The following MYMK variants were observed in gnomAD, a reference collection of about 807,000 sequenced individuals.
The protein encoded by MYMK is protein myomaker.
In MYMK, 16 loss-of-function variants were observed where a neutral mutation model predicts 22.4. That is an observed-to-expected ratio of 0.72 (90% CI 0.48 to 1.09). The LOEUF is 1.09. MYMK is among the 50% of genes least tolerant of loss of function. The pLI is 0.00. For missense variants in MYMK, 250 were observed against 295.6 expected (o/e 0.85, Z 1.13); for synonymous variants, 125 against 127.0 (o/e 0.98, Z 0.11).
At chr9:133,520,092 G>C in intron 2 of MYMK, 82 bp downstream of exon 2, 1 of 1,040,388 alleles carries the variant, frequency 9.6e-7, no homozygotes, top group East Asian at 2.4e-5. Flanking sequence ...GGCTGCAGCG[G>C]GACTGGTTTG....
chr9:133,515,004 C>CT lies in MYMK; in HGVS notation c.517-220dup, dbSNP rs562880757. Among the ~76,000 whole-genome samples, 215 of 152,260 alleles carry CT rather than the reference C, an allele frequency of 1.4e-3. 1 individual carries two copies. Among genetic ancestry groups the CT allele is most frequent in the African/African-American group, 5.0e-3 (206 of 41,546 alleles). The stretch of plus-strand genomic sequence containing the variant: ...ATCCTCCAGGCTGCACTCCTTCCTT[C>CT]TTCCCCATCCCCTCTCTCTGCTGTC... On this transcript the variant is annotated intron_variant, in intron 4 of 4. Transcript: ENST00000339996. This position sits in a 1 kb window ranked among gnomAD's most constrained non-coding sequence, Gnocchi z 5.8.
intron 3 of MYMK, among the ~76,000 whole-genome samples, chr9:133,517,736 G>A (rs984820828): frequency 2.6e-5 from 4 of 151,924 alleles, no homozygotes; most frequent in African/African-American, 9.7e-5. Flanking sequence ...TTAAGTTGCT[G>A]AGGCCTCCAT....
At chr9:133,524,357 AG>A (rs1844736131) in intron 1 of MYMK, among the ~76,000 whole-genome samples, 1 of 151,848 alleles carries the variant, frequency 6.6e-6, no homozygotes, top group Non-Finnish European at 1.5e-5. Context: ...AGAGGTGGGG[AG>A]GGGAGGTGGC....
rs766698870 is a variant in MYMK at position 133,515,526 on chromosome 9, C to T, written c.481G>A (p.Gly161Arg). ...TQQIGPGLCF[G>R]ALALMLRFFF... ...AAGCGTAGCATCAGGGCCAGCGCCC[C>T]GAAGCAGAGGCCGGGGCCTATCTGC... Residue 161 changes from glycine (G) to arginine (R), a missense_variant, in exon 4 of 5, where the codon GGG (glycine) becomes AGG (arginine). Coordinates refer to ENST00000339996, the MANE Select transcript of MYMK (RefSeq NM_001080483.3). The surrounding 1 kb of genome is among the most constrained non-coding windows in gnomAD (Gnocchi z 5.8). The T allele has an allele frequency of 3.1e-6, 5 of 1,613,612 alleles. No individual in the cohort carries two copies. The highest frequency in any genetic ancestry group is 1.7e-5 in the Admixed American group (1 of 59,986).
intron 3 of MYMK, among the ~76,000 whole-genome samples, chr9:133,518,274 C>T (rs533487509): frequency 1.3e-5 from 2 of 152,158 alleles, no homozygotes; most frequent in Admixed American, 6.5e-5. Flanking sequence ...CTGAAGACCA[C>T]GTGAGGGCCT....
At chr9:133,517,686 T>TGGG (rs1844648173) in intron 3 of MYMK, among the ~76,000 whole-genome samples, 1 of 107,306 alleles carries the variant, frequency 9.3e-6, no homozygotes, top group Non-Finnish European at 1.9e-5. Context: ...AAAAAAAAAG[T>TGGG]CAGGTTCTGG....
intron 3 of MYMK, among the ~76,000 whole-genome samples, chr9:133,516,321 C>G (rs968313097): frequency 2.0e-5 from 3 of 152,182 alleles, no homozygotes; most frequent in Admixed American, 2.0e-4. Flanking sequence ...TCTCCCTGAG[C>G]CTGGTCCCCT....
chr9:133,517,355 C>T (rs1473352918), intron 3 of MYMK, among the ~76,000 whole-genome samples: 1 of 152,158 alleles, frequency 6.6e-6, no homozygotes, highest in Non-Finnish European at 1.5e-5. Flanking sequence ...AAAGCAGGTC[C>T]TCTGTCTCCT....
chr9:133,522,353 C>G (rs1032307046), intron 1 of MYMK, among the ~76,000 whole-genome samples: 16 of 144,732 alleles, frequency 1.1e-4, no homozygotes, highest in African/African-American at 3.3e-4. Context: ...CGGGGGGGGG[C>G]CTCCTCTGTT....
rs897717704 is a variant in MYMK, at chr9:133,524,897, C to T, written c.-53G>A. 1.8e-5 allele frequency: 28 copies of T among 1,550,248 alleles called. No individual in the cohort carries two copies. Among genetic ancestry groups the T allele is most frequent in the Non-Finnish European group, 2.3e-5 (27 of 1,150,056 alleles). ...TGGGGAGGGTGCTGGTGTCCCAGGT[C>T]CCCAGCACAGGAGCACGAAGTGGGA... On this transcript the variant is annotated 5_prime_UTR_variant, in exon 1 of 5. Coordinates refer to ENST00000339996, the MANE Select transcript of MYMK (RefSeq NM_001080483.3).
At chr9:133,521,486 C>T (rs553234607) in intron 1 of MYMK, among the ~76,000 whole-genome samples, 3 of 152,236 alleles carry the variant, frequency 2.0e-5, no homozygotes, top group South Asian at 2.1e-4. Flanking sequence ...CAATTGTACA[C>T]GGCCTAAAGT....
rs1844617067 is a variant in MYMK, at chr9:133,515,220, T to C, written c.516+271A>G. Among the ~76,000 whole-genome samples the C allele has an allele frequency of 6.7e-6, 1 of 149,052 alleles. No homozygotes were observed. The highest frequency in any genetic ancestry group is 1.5e-5 in the Non-Finnish European group (1 of 67,242). On this transcript the variant is annotated intron_variant, in intron 4 of 4. Coordinates refer to ENST00000339996, the MANE Select transcript of MYMK (RefSeq NM_001080483.3). This position sits in a 1 kb window ranked among gnomAD's most constrained non-coding sequence, Gnocchi z 5.8. ...CCTGCCCCAGGCGTCTCCCAGGCTGTGCTGCCGTCTGAGATGCCAGCTGTC... is the reference window on the plus strand; with the variant it reads ...CCTGCCCCAGGCGTCTCCCAGGCTGCGCTGCCGTCTGAGATGCCAGCTGTC...
In MYMK at chr9:133,518,138, T is replaced by C. The variant is rs1844653797; in HGVS notation, c.399+736A>G. ...CTTGCAAGGGTGAGCTCCCTCCTGCTCTGGGGTCCCAGGAGATGCCCCGGG... is the reference window on the plus strand; with the variant it reads ...CTTGCAAGGGTGAGCTCCCTCCTGCCCTGGGGTCCCAGGAGATGCCCCGGG... On this transcript the variant is annotated intron_variant, in intron 3 of 4. Transcript: ENST00000339996. Among the ~76,000 whole-genome samples, 8 of 152,216 alleles carry C rather than the reference T, an allele frequency of 5.3e-5. No homozygotes were observed. In the South Asian group the frequency reaches 1.2e-3, roughly 24 times the overall value.
In MYMK at chr9:133,520,271, A is replaced by G; in HGVS notation, c.153T>C (p.Asn51=). 1.4e-5 allele frequency: 23 copies of G among 1,614,164 alleles called. No individual in the cohort carries two copies. The highest frequency in any genetic ancestry group is 1.9e-5 in the Non-Finnish European group (23 of 1,180,040). ...AGCACAGCACAGACAAGCCGGGTCC[A>G]TTGCAGGCATGGTGGAGCTGCCAGA... ...LFFVALHHAC[N]GPGLSVLCFM... Residue 51 remains asparagine, a synonymous_variant, in exon 2 of 5, where the codon AAT becomes AAC. Coordinates refer to ENST00000339996, the MANE Select transcript of MYMK (RefSeq NM_001080483.3).
chr9:133,514,612 C>A lies in MYMK; in HGVS notation c.*24G>T. The A allele has an allele frequency of 6.2e-7, 1 of 1,604,758 alleles. No individual in the cohort carries two copies. The highest frequency in any genetic ancestry group is 8.5e-7 in the Non-Finnish European group (1 of 1,174,898). On this transcript the variant is annotated 3_prime_UTR_variant, in exon 5 of 5. Coordinates refer to ENST00000339996, the MANE Select transcript of MYMK (RefSeq NM_001080483.3). The stretch of plus-strand genomic sequence containing the variant: ...AAGTGTGAGCTGGGGAGGGCAGGGG[C>A]TCAGAGCCGGGCTGGGCGCAGCATC...
chr9:133,517,429 A>G (rs1444536218), intron 3 of MYMK, among the ~76,000 whole-genome samples: 1 of 152,030 alleles, frequency 6.6e-6, no homozygotes, highest in East Asian at 1.9e-4. Context: ...ACTTTGGGAG[A>G]CTGAGGCAGG....
intron 1 of MYMK, 55 bp downstream of exon 1, chr9:133,524,655 C>T: frequency 6.2e-7 from 1 of 1,613,226 alleles, no homozygotes. Flanking sequence ...GAGAGCCTCT[C>T]CTCTACCTCC....
At chr9:133,520,388 T>C in intron 1 of MYMK, 100 bp from the exon 2 acceptor site, 1 of 886,592 alleles carries the variant, frequency 1.1e-6, no homozygotes. Flanking sequence ...CTGTGAGAAG[T>C]CACTTTGGCG....
At chr9:133,516,652 T>C (rs1021090339) in intron 3 of MYMK, among the ~76,000 whole-genome samples, 1 of 152,204 alleles carries the variant, frequency 6.6e-6, no homozygotes, top group Non-Finnish European at 1.5e-5. Flanking sequence ...CAACAAGGAA[T>C]TGAGCACCTG....
Sources: allele counts gnomAD v4.1 joint callset (sites outside exome capture counted in the v4.1 genomes callset), GRCh38; gene constraint gnomAD v4.1.1; non-coding constraint Gnocchi (gnomAD v3.1); transcripts MANE v1.5; gene names NCBI Gene and HGNC (gene_info 2026-07-23, HGNC 2026-07-21).